Variants in JADE1 observed in about 807,000 individuals in gnomAD.
The protein encoded by JADE1 is protein Jade-1.
In JADE1, 14 loss-of-function variants were observed where a neutral mutation model predicts 81.8. That is an observed-to-expected ratio of 0.17 (90% confidence interval 0.11 to 0.27). The LOEUF (loss-of-function observed/expected upper bound fraction) is 0.27. Among genes scored for constraint, JADE1 ranks in the 10% least tolerant of loss-of-function variants. JADE1 has a pLI of 1.00. For missense variants in JADE1, 690 were observed against 1,047.9 expected, an observed-to-expected ratio of 0.66 and a Z score of 4.71; for synonymous variants, 353 against 391.9, an observed-to-expected ratio of 0.90 and a Z score of 1.17.
intron 9 of JADE1, among the ~76,000 whole-genome samples, chr4:128,865,498 G>A (rs1402887094): frequency 6.6e-6 from 1 of 151,688 alleles, no homozygotes; most frequent in African/African-American, 2.4e-5. Flanking sequence ...TTGGTGGAAC[G>A]GGTGCAGGAA....
intron 1 of JADE1, among the ~76,000 whole-genome samples, chr4:128,828,619 C>G (rs1322849013): frequency 6.6e-6 from 1 of 152,084 alleles, no homozygotes; most frequent in African/African-American, 2.4e-5. Flanking sequence ...TTTTACTCTT[C>G]TTTTACTTGA....
chr4:128,811,756 C>T (rs1453083885), intron 1 of JADE1: 2 of 149,344 alleles, frequency 1.3e-5, no homozygotes, highest in Admixed American at 6.7e-5. Flanking sequence ...CGACGCGGTC[C>T]CCGCGCCGGT....
chr4:128,812,349 G>T (rs918129353), intron 1 of JADE1, among the ~76,000 whole-genome samples: 1 of 151,584 alleles, frequency 6.6e-6, no homozygotes, highest in Admixed American at 6.6e-5. Context: ...GGCGCCGCGC[G>T]GAACCGCGGC....
chr4:128,873,281 GAAAAA>G lies in JADE1; in HGVS notation c.*1025_*1029del, dbSNP rs1281020527. On this transcript the variant is annotated 3_prime_UTR_variant, in exon 11 of 11. Coordinates refer to ENST00000226319, the MANE Select transcript of JADE1 (RefSeq NM_199320.4). The stretch of plus-strand genomic sequence containing the variant: ...GAAAAAAAAAAAAAAAAGAAAAAAA[GAAAAA>G]AAAAAGAAAAAAGAAAAAAAGAGAA... The G allele has an allele frequency of 1.9e-5, 2 of 105,638 alleles. No individual in the cohort carries two copies. Among genetic ancestry groups the G allele is most frequent in the African/African-American group, 3.6e-5 (1 of 28,096 alleles). 6.5% of individuals were successfully genotyped at this position (105,638 alleles called of 1,614,324 possible).
chr4:128,851,660 C>T (rs564096427), intron 5 of JADE1, among the ~76,000 whole-genome samples: 12 of 152,166 alleles, frequency 7.9e-5, no homozygotes, highest in African/African-American at 2.6e-4. Flanking sequence ...ATGGATGCAT[C>T]GATGGGTTGA....
intron 1 of JADE1, among the ~76,000 whole-genome samples, chr4:128,820,072 G>C (rs1009806686): frequency 2.0e-5 from 3 of 152,040 alleles, no homozygotes; most frequent in African/African-American, 7.2e-5. Flanking sequence ...ATCCTCTCTA[G>C]CTCTGCAGTT....
chr4:128,834,485 G>C (rs114594013), intron 2 of JADE1, among the ~76,000 whole-genome samples: 3,480 of 151,612 alleles, frequency 0.023, 117 homozygotes, highest in African/African-American at 0.076. Flanking sequence ...ATTTGGGGAT[G>C]GGGGTACAAT....
intron 9 of JADE1, chr4:128,862,773 G>A: frequency 5.0e-6 from 5 of 1,004,452 alleles, no homozygotes; most frequent in Non-Finnish European, 6.0e-6. Context: ...GGAATTCCCA[G>A]TACTGTCATG....
At chr4:128,866,046 G>A (rs751718016) in intron 9 of JADE1, among the ~76,000 whole-genome samples, 1 of 152,068 alleles carries the variant, frequency 6.6e-6, no homozygotes, top group East Asian at 1.9e-4. Flanking sequence ...CTGGCCCCTC[G>A]TTCTTGAGCT....
chr4:128,871,735 C>T lies in JADE1; in HGVS notation c.2002C>T (p.Leu668Phe), dbSNP rs771225620. 122 of 1,614,000 alleles carry T rather than the reference C, an allele frequency of 7.6e-5. No individual in the cohort carries two copies. The highest frequency in any genetic ancestry group is 1.0e-4 in the Non-Finnish European group (119 of 1,180,032). Reference protein sequence around the residue: ...KRRDNRFHCDLIKGDLKDKSF... With the variant: ...KRRDNRFHCDFIKGDLKDKSF... ...AAGAGACAATCGTTTTCATTGTGAT[C>T]TCATTAAAGGAGACTTAAAGGACAA... Residue 668 changes from leucine to phenylalanine, a missense_variant, in exon 11 of 11, where the codon CTC (leucine) becomes TTC (phenylalanine). Leu to Phe is a conservative substitution (Grantham distance 22). Coordinates refer to ENST00000226319, the MANE Select transcript of JADE1 (RefSeq NM_199320.4). This position sits in a 1 kb window ranked among gnomAD's most constrained non-coding sequence, Gnocchi z 4.1.
chr4:128,862,387 A>G, intron 9 of JADE1, 162 bp downstream of exon 9: 1 of 1,442,060 alleles, frequency 6.9e-7, no homozygotes, highest in African/African-American at 1.4e-5. Flanking sequence ...GGGCTGGTAA[A>G]CTCATTGTAC....
At chr4:128,811,674 G>GCGCCCGCCC (rs2125775584) in intron 1 of JADE1, among the ~76,000 whole-genome samples, 1 of 147,132 alleles carries the variant, frequency 6.8e-6, no homozygotes, top group African/African-American at 2.4e-5. Context: ...CCGGCCCGCC[G>GCGCCCGCCC]CGCCCGCCCC....
At position 128,858,104 on chromosome 4, in the gene JADE1, T is replaced by TGTGAGA. The variant is rs372735641; in HGVS notation, c.981+651_981+652insTGAGAG. Among the ~76,000 whole-genome samples, 1,384 of 152,234 alleles carry TGTGAGA rather than the reference T, an allele frequency of 9.1e-3. 17 individuals are homozygous for TGTGAGA. Among genetic ancestry groups the TGTGAGA allele is most frequent in the African/African-American group, 0.032 (1,312 of 41,548 alleles). ...GCGCGCATGCACGTGTGTGTGTGTG[T>TGTGAGA]GAGCGTGAGCGAAAGAGTGCGTGCA... On this transcript the variant is annotated intron_variant, in intron 8 of 10. Transcript: ENST00000226319.
At chr4:128,843,505 T>C (rs1258403939) in intron 3 of JADE1, among the ~76,000 whole-genome samples, 2 of 152,138 alleles carry the variant, frequency 1.3e-5, no homozygotes, top group Non-Finnish European at 2.9e-5. Flanking sequence ...GCTGAAGGCT[T>C]TCCCCATTCT....
At chr4:128,857,187 C>T (rs1730868244) in intron 7 of JADE1, 151 bp from the exon 8 acceptor site, 4 of 676,138 alleles carry the variant, frequency 5.9e-6, no homozygotes, top group African/African-American at 3.6e-5. Context: ...TGTTCTGAGG[C>T]TTTTAAAGTA....
chr4:128,820,671 A>G (rs1727482645), intron 1 of JADE1, among the ~76,000 whole-genome samples: 1 of 151,526 alleles, frequency 6.6e-6, no homozygotes, highest in African/African-American at 2.4e-5. Context: ...AATATACAAC[A>G]TTGGGAGTCT....
In JADE1 at chr4:128,871,768, A is replaced by C; in HGVS notation, c.2035A>C (p.Lys679Gln). The C allele has an allele frequency of 1.9e-6, 3 of 1,614,202 alleles. No individual in the cohort carries two copies. The highest frequency in any genetic ancestry group is 2.5e-6 in the Non-Finnish European group (3 of 1,180,042). Reference sequence around the variant, plus strand: ...AGGAGACTTAAAGGACAAATCTTTTAAACAGAGTCACAAGCCTCTCAGGTC... The same window carrying C: ...AGGAGACTTAAAGGACAAATCTTTTCAACAGAGTCACAAGCCTCTCAGGTC... ...IKGDLKDKSF[K>Q]QSHKPLRSTD... The change falls in exon 11 of 11, where the codon AAA becomes CAA. Residue 679 changes from lysine (K) to glutamine (Q), a missense_variant. This residue lies in a region of JADE1 where 218 missense variants were observed against 274.3 expected (regional missense o/e 0.79). Coordinates refer to ENST00000226319, the MANE Select transcript of JADE1 (RefSeq NM_199320.4). The surrounding 1 kb of genome is among the most constrained non-coding windows in gnomAD (Gnocchi z 4.1).
intron 1 of JADE1, among the ~76,000 whole-genome samples, chr4:128,818,859 T>C (rs1475458478): frequency 6.6e-6 from 1 of 152,148 alleles, no homozygotes; most frequent in Non-Finnish European, 1.5e-5. Flanking sequence ...GATTGGTTGA[T>C]TGATTGATTT....
At chr4:128,831,521 C>G in intron 1 of JADE1, 8 of 529,936 alleles carry the variant, frequency 1.5e-5, no homozygotes, top group East Asian at 3.3e-5. Flanking sequence ...TGATATGTGA[C>G]TTCTCCACCC....
Sources: gnomAD v4.1 joint callset for allele counts (sites outside exome capture counted in the v4.1 genomes callset) on GRCh38, gnomAD v4.1.1 for gene constraint, gnomAD v4.1.1 regional missense constraint, Gnocchi (gnomAD v3.1) non-coding constraint, MANE v1.5 for transcripts, NCBI Gene and HGNC (gene_info 2026-07-23, HGNC 2026-07-21) for gene names.